Variants in WHRN observed in about 807,000 individuals in gnomAD.
WHRN encodes the protein CASK-interacting protein CIP98.
In WHRN, 41 loss-of-function variants were observed where a neutral mutation model predicts 68.3. That is an observed-to-expected ratio of 0.60 (90% confidence interval 0.47 to 0.78). WHRN has a LOEUF of 0.78. Ranked by LOEUF, WHRN falls within the 30% of genes least tolerant of loss-of-function variation. WHRN has a pLI of 0.00. For synonymous variants in WHRN, 560 were observed against 561.3 expected, an observed-to-expected ratio of 1.00 and a Z score of 0.03; for missense variants, 1,243 against 1,244.7, an observed-to-expected ratio of 1.00 and a Z score of 0.02.
intron 1 of WHRN, chr9:114,491,525 G>C (rs752644636): frequency 1.2e-5 from 2 of 164,626 alleles, no homozygotes; most frequent in Admixed American, 1.3e-4. Flanking sequence ...AGAATGAGGG[G>C]ATGCAACGGA....
chr9:114,460,012 T>TGG (rs1840115183), intron 3 of WHRN, among the ~76,000 whole-genome samples: 3 of 152,118 alleles, frequency 2.0e-5, no homozygotes, highest in African/African-American at 4.8e-5. Flanking sequence ...CCAAGGAGCC[T>TGG]CAGCCAGGAT....
chr9:114,409,258 C>A (rs1835258224), intron 7 of WHRN, among the ~76,000 whole-genome samples: 1 of 152,126 alleles, frequency 6.6e-6, no homozygotes, highest in African/African-American at 2.4e-5. Context: ...GGACACCAAC[C>A]CTGCCATTGG....
chr9:114,490,335 G>A (rs1456819438), intron 1 of WHRN, among the ~76,000 whole-genome samples: 1 of 152,202 alleles, frequency 6.6e-6, no homozygotes, highest in African/African-American at 2.4e-5. Context: ...AAAGGCCAGG[G>A]GAGATGGCAG....
At chr9:114,492,439 TA>T (rs1843061713) in intron 1 of WHRN, among the ~76,000 whole-genome samples, 1 of 152,230 alleles carries the variant, frequency 6.6e-6, no homozygotes, top group African/African-American at 2.4e-5. Flanking sequence ...ATGCAATCAT[TA>T]AAAAATCACA....
Position 114,403,243 on chromosome 9 carries a change from G to T in WHRN, c.2515C>A (p.Pro839Thr). The T allele has an allele frequency of 6.2e-7, 1 of 1,614,206 alleles. No individual in the cohort carries two copies. The highest frequency in any genetic ancestry group is 2.2e-5 in the East Asian group (1 of 44,878). ...TGAATAGTGACAATCCTAGGCAGGG[G>T]CTGGCGGGTGTTGGCGCCACCCTCG... is the stretch of plus-strand genomic sequence containing the variant. ...AIEGGANTRQ[P>T]LPRIVTIQRG... Residue 839 changes from proline to threonine, a missense_variant, in exon 11 of 12, where the codon CCC becomes ACC. Transcript: ENST00000362057.
chr9:114,500,052 G>A (rs1843791546), intron 1 of WHRN, among the ~76,000 whole-genome samples: 1 of 152,152 alleles, frequency 6.6e-6, no homozygotes, highest in Admixed American at 6.5e-5. Context: ...GATGAAAGAG[G>A]ATTTTGTCCT....
At chr9:114,432,382 G>A (rs1326202939) in intron 3 of WHRN, among the ~76,000 whole-genome samples, 1 of 152,240 alleles carries the variant, frequency 6.6e-6, no homozygotes, top group Non-Finnish European at 1.5e-5. Context: ...ACCTTGCTGG[G>A]TTAACGGAGC....
chr9:114,406,243 T>C (rs1835013401), intron 9 of WHRN, 112 bp downstream of exon 9: 6 of 1,481,118 alleles, frequency 4.1e-6, no homozygotes, highest in Admixed American at 3.4e-5. Flanking sequence ...ACTCTGGCCC[T>C]GAGCCCCCTC....
intron 1 of WHRN, among the ~76,000 whole-genome samples, chr9:114,503,879 A>G (rs557713735): frequency 1.4e-4 from 22 of 152,356 alleles, no homozygotes; most frequent in African/African-American, 5.3e-4. Flanking sequence ...TTTAATGCTC[A>G]TAAGAATCCA....
At chr9:114,497,124 T>C (rs1843523542) in intron 1 of WHRN, among the ~76,000 whole-genome samples, 1 of 152,232 alleles carries the variant, frequency 6.6e-6, no homozygotes, top group Non-Finnish European at 1.5e-5. Flanking sequence ...CTTTTTTACA[T>C]CATTTTACTC....
chr9:114,467,311 C>T (rs1232881515), intron 2 of WHRN, among the ~76,000 whole-genome samples: 1 of 152,062 alleles, frequency 6.6e-6, no homozygotes, highest in African/African-American at 2.4e-5. Context: ...GAGACAGACA[C>T]AGTCCTGCTC....
chr9:114,440,844 G>A (rs746020414), intron 3 of WHRN, among the ~76,000 whole-genome samples: 17 of 152,118 alleles, frequency 1.1e-4, no homozygotes, highest in Non-Finnish European at 2.4e-4. Context: ...GTCTCTCGTG[G>A]CTCTCATATA....
rs559291603 is a variant in WHRN, at chr9:114,425,790, A to G, written c.1166+421T>C. On this transcript the variant is annotated intron_variant, in intron 4 of 11. Transcript: ENST00000362057. ...CTGGATCTCAGTTTATGACTTTAAG[A>G]CCCTCTCACCCAGATTTCTTCATGG... The G allele has an allele frequency of 6.4e-5, 19 of 294,946 alleles. No individual in the cohort carries two copies. In the Admixed American group the frequency reaches 6.8e-4, roughly 11 times the overall value. 18.3% of individuals were successfully genotyped at this position (294,946 alleles called of 1,614,324 possible). A position where few individuals can be genotyped will look rare whatever the true frequency, so the allele number is the denominator to read the frequency against.
intron 3 of WHRN, among the ~76,000 whole-genome samples, chr9:114,441,125 C>T (rs1171217444): frequency 2.0e-5 from 3 of 151,836 alleles, no homozygotes; most frequent in Non-Finnish European, 4.4e-5. Flanking sequence ...ATTTTCTCTT[C>T]CTTATGATTG....
intron 3 of WHRN, among the ~76,000 whole-genome samples, chr9:114,462,692 G>A (rs1840345713): frequency 6.6e-6 from 1 of 152,236 alleles, no homozygotes; most frequent in Non-Finnish European, 1.5e-5. Context: ...GTTTGCTGGA[G>A]TGAGTTAAAA....
rs773544617 is a variant in WHRN at position 114,504,301 on chromosome 9, G to A, written c.501C>T (p.Tyr167=). 1 of 1,613,422 alleles carries A rather than the reference G, an allele frequency of 6.2e-7. No homozygotes were observed. The highest frequency in any genetic ancestry group is 2.2e-5 in the East Asian group (1 of 44,872). ...GAGAGCCTGGTTCCACCAGAGACAC[G>A]TAGATGCCCACGCCGTGCTCCGAGC... ...RGGSEHGVGI[Y]VSLVEPGSLA... The change falls in exon 1 of 12, where the codon TAC becomes TAT. Residue 167 remains tyrosine, a synonymous_variant. Transcript: ENST00000362057.
chr9:114,420,325 C>T (rs10081697), intron 7 of WHRN, among the ~76,000 whole-genome samples: 2 of 151,940 alleles, frequency 1.3e-5, no homozygotes, highest in East Asian at 1.9e-4. Context: ...AGGAAACAGG[C>T]GAGTCCCCAC....
intron 10 of WHRN, among the ~76,000 whole-genome samples, 155 bp from the exon 11 acceptor site, chr9:114,403,494 T>C (rs973369815): frequency 2.0e-5 from 3 of 152,210 alleles, no homozygotes; most frequent in Non-Finnish European, 2.9e-5. Flanking sequence ...AGCCAAGCAC[T>C]TGTGTTCTTG....
chr9:114,458,038 G>T (rs1049511618), intron 3 of WHRN, among the ~76,000 whole-genome samples: 1 of 152,128 alleles, frequency 6.6e-6, no homozygotes, highest in Non-Finnish European at 1.5e-5. Context: ...TTACAGTGGC[G>T]GATTCTGGCT....
Sources: allele counts gnomAD v4.1 joint callset (sites outside exome capture counted in the v4.1 genomes callset), GRCh38; gene constraint gnomAD v4.1.1; transcripts MANE v1.5; gene names NCBI Gene and HGNC (gene_info 2026-07-23, HGNC 2026-07-21).